Variants in PLAAT1 observed in about 807,000 individuals in gnomAD.
PLAAT1 encodes the protein H-REV107 protein-related protein.
Under a neutral mutation model 16.4 loss-of-function variants are expected in PLAAT1, and 13 were observed. The observed-to-expected ratio is 0.79, with a 90% CI of 0.52 to 1.26. The LOEUF (loss-of-function observed/expected upper bound fraction) is 1.26. Among genes scored for constraint, PLAAT1 ranks in the 50% most tolerant of loss-of-function variants. The pLI, the probability that PLAAT1 is intolerant of heterozygous loss-of-function variation, is 0.00. For missense variants in PLAAT1, 218 were observed against 207.8 expected, an observed-to-expected ratio of 1.05 and a Z score of -0.30; for synonymous variants, 73 against 78.4, an observed-to-expected ratio of 0.93 and a Z score of 0.36.
At chr3:193,251,303 A>C (rs1334459594) in intron 1 of PLAAT1, among the ~76,000 whole-genome samples, 1 of 152,198 alleles carries the variant, frequency 6.6e-6, no homozygotes, top group Non-Finnish European at 1.5e-5. Flanking sequence ...CAAACTAAGG[A>C]AAGAAGGTGG....
At chr3:193,258,751 CAATAAT>C (rs1235643877) in intron 2 of PLAAT1, among the ~76,000 whole-genome samples, 1 of 151,594 alleles carries the variant, frequency 6.6e-6, no homozygotes, top group African/African-American at 2.4e-5. Flanking sequence ...GAATCAGTAA[CAATAAT>C]AATAATAAAA....
chr3:193,277,458 C>CT (rs1284559544), intron 2 of PLAAT1, among the ~76,000 whole-genome samples: 1 of 152,110 alleles, frequency 6.6e-6, no homozygotes, highest in African/African-American at 2.4e-5. Flanking sequence ...GTTACACAGC[C>CT]TTTTTTCTGA....
At chr3:193,241,887 G>A (rs1212322138) in intron 1 of PLAAT1, among the ~76,000 whole-genome samples, 1 of 152,136 alleles carries the variant, frequency 6.6e-6, no homozygotes, top group Non-Finnish European at 1.5e-5. Context: ...AATATGACTC[G>A]TGCTGGAAAA....
intron 3 of PLAAT1, among the ~76,000 whole-genome samples, chr3:193,269,983 A>G (rs1035428906): frequency 1.3e-5 from 2 of 152,126 alleles, no homozygotes; most frequent in African/African-American, 2.4e-5. Context: ...TGTTTATCAG[A>G]AAAGAAATTG....
chr3:193,245,132 AC>A (rs1473852809), intron 1 of PLAAT1, among the ~76,000 whole-genome samples: 1 of 152,172 alleles, frequency 6.6e-6, no homozygotes, highest in African/African-American at 2.4e-5. Context: ...GCAATAAATC[AC>A]TAAAACCTAC....
upstream of PLAAT1, among the ~76,000 whole-genome samples, chr3:193,240,686 G>GTGTGTGTGTGTGTGTGT (rs1715685085): frequency 6.4e-5 from 3 of 47,154 alleles, no homozygotes; most frequent in African/African-American, 2.6e-4. Context: ...TGTGTGTGTG[G>GTGTGTGTGTGTGTGTGT]TTGGAGGTCT....
intron 3 of PLAAT1, among the ~76,000 whole-genome samples, chr3:193,265,864 G>A (rs1356681436): frequency 6.6e-6 from 1 of 152,128 alleles, no homozygotes; most frequent in African/African-American, 2.4e-5. Context: ...AATTAGTGGT[G>A]TAGATAGGAA....
At chr3:193,279,320 T>A (rs1444517552), downstream of PLAAT1, 1 of 1,369,084 alleles carries the variant, frequency 7.3e-7, no homozygotes, top group South Asian at 1.2e-5. Context: ...GAATACATGG[T>A]CCATGTACAT....
At chr3:193,251,731 C>A (rs1716198285) in intron 1 of PLAAT1, among the ~76,000 whole-genome samples, 1 of 152,102 alleles carries the variant, frequency 6.6e-6, no homozygotes, top group South Asian at 2.1e-4. Flanking sequence ...ATGAGTGTAT[C>A]TCCACTTTTT....
chr3:193,259,601 A>G (rs2068612042), intron 2 of PLAAT1, among the ~76,000 whole-genome samples: 1 of 152,168 alleles, frequency 6.6e-6, no homozygotes, highest in Admixed American at 6.5e-5. Flanking sequence ...GCTGAGAGCC[A>G]TATTAAAAAC....
At chr3:193,245,008 C>A (rs1049086694) in intron 1 of PLAAT1, among the ~76,000 whole-genome samples, 3 of 152,146 alleles carry the variant, frequency 2.0e-5, no homozygotes, top group African/African-American at 7.2e-5. Flanking sequence ...CAAACCATAG[C>A]ACATATACAT....
At chr3:193,268,418 A>G (rs945882313) in intron 3 of PLAAT1, among the ~76,000 whole-genome samples, 23 of 152,236 alleles carry the variant, frequency 1.5e-4, no homozygotes, top group Non-Finnish European at 2.8e-4. Flanking sequence ...GGCCAGGTAC[A>G]GATCCCCAGA....
intron 1 of PLAAT1, among the ~76,000 whole-genome samples, chr3:193,243,003 C>T (rs909784139): frequency 1.3e-5 from 2 of 152,170 alleles, no homozygotes; most frequent in Non-Finnish European, 2.9e-5. Context: ...TTCAGCCTGT[C>T]CCTATCGGCA....
At chr3:193,276,225 T>C (rs1717193050) in intron 2 of PLAAT1, among the ~76,000 whole-genome samples, 1 of 152,218 alleles carries the variant, frequency 6.6e-6, no homozygotes, top group African/African-American at 2.4e-5. Context: ...AAAAGAACTC[T>C]CCTTTTACAA....
At chr3:193,255,306 G>A (rs146066160) in intron 1 of PLAAT1, among the ~76,000 whole-genome samples, 1 of 151,826 alleles carries the variant, frequency 6.6e-6, no homozygotes, top group African/African-American at 2.4e-5. Context: ...TTTAATCCTT[G>A]ATATTTTTAA....
chr3:193,249,391 T>C (rs1034181664), intron 1 of PLAAT1, among the ~76,000 whole-genome samples: 8 of 152,212 alleles, frequency 5.3e-5, no homozygotes, highest in Admixed American at 5.2e-4. Context: ...TGTTTAATGT[T>C]CATAGGTTCT....
At chr3:193,260,278 T>C (rs868718331) in intron 2 of PLAAT1, among the ~76,000 whole-genome samples, 1 of 152,202 alleles carries the variant, frequency 6.6e-6, no homozygotes, top group Non-Finnish European at 1.5e-5. Flanking sequence ...GGAAACACTC[T>C]TCTTGACCTC....
chr3:193,262,232 G>T (rs145494306), intron 2 of PLAAT1, among the ~76,000 whole-genome samples: 5 of 152,172 alleles, frequency 3.3e-5, no homozygotes, highest in African/African-American at 1.2e-4. Flanking sequence ...GGCAGCCAAG[G>T]TGGAGTGGTA....
At chr3:193,279,541 G>T, downstream of PLAAT1, 1 of 984,154 alleles carries the variant, frequency 1.0e-6, no homozygotes. Context: ...TATCTCTGTT[G>T]GGCAAATACC....
Sources: gnomAD v4.1 joint callset for allele counts (sites outside exome capture counted in the v4.1 genomes callset) on GRCh38, gnomAD v4.1.1 for gene constraint, MANE v1.5 for transcripts, NCBI Gene and HGNC (gene_info 2026-07-23, HGNC 2026-07-21) for gene names.